The following AP2A2 variants were observed in gnomAD, a reference collection of about 807,000 sequenced individuals.
AP2A2 encodes AP-2 complex subunit alpha-2.
In AP2A2, 32 loss-of-function variants were observed where a neutral mutation model predicts 104.2. The ratio of observed to expected loss-of-function variants is 0.31; its 90% confidence interval spans 0.23 to 0.41. AP2A2 has a LOEUF of 0.41. Among genes scored for constraint, AP2A2 ranks in the 10% least tolerant of loss-of-function variants. AP2A2 has a pLI of 1.00. For missense variants in AP2A2, 912 were observed against 1,261.0 expected, an observed-to-expected ratio of 0.72 and a Z score of 4.19; for synonymous variants, 539 against 533.3, an observed-to-expected ratio of 1.01 and a Z score of -0.15.
At chr11:982,113 C>T (rs1188779982) in intron 6 of AP2A2, among the ~76,000 whole-genome samples, 1 of 152,210 alleles carries the variant, frequency 6.6e-6, no homozygotes, top group Non-Finnish European at 1.5e-5. Flanking sequence ...TGCAGTGGTG[C>T]AGTCTCAGCT....
intron 14 of AP2A2, among the ~76,000 whole-genome samples, chr11:997,054 C>T (rs1051902395): frequency 2.0e-5 from 3 of 152,136 alleles, no homozygotes; most frequent in South Asian, 2.1e-4. Context: ...ACACTCCTGG[C>T]GAAGTTTTCT....
intron 1 of AP2A2, among the ~76,000 whole-genome samples, chr11:932,341 GT>G (rs1156397944): frequency 3.9e-5 from 6 of 152,210 alleles, no homozygotes; most frequent in African/African-American, 9.6e-5. Context: ...TGCAATTCCA[GT>G]TATGGAGTCA....
rs1054696609 is a variant in AP2A2, at chr11:1,010,744, C to T, written c.*119C>T. ...AGTGCCACAGCACAAGGCGCCTCCC[C>T]GCCCCGCCGCCCCACACCTCTCCCC... On this transcript the variant is annotated 3_prime_UTR_variant, in exon 22 of 22. Coordinates refer to ENST00000448903, the MANE Select transcript of AP2A2 (RefSeq NM_012305.4). The T allele has an allele frequency of 2.1e-5, 17 of 804,788 alleles. No individual in the cohort carries two copies. Among genetic ancestry groups the T allele is most frequent in the East Asian group, 5.3e-5 (2 of 37,636 alleles). 49.9% of individuals were successfully genotyped at this position (804,788 alleles called of 1,614,324 possible).
intron 1 of AP2A2, among the ~76,000 whole-genome samples, chr11:934,214 G>C (rs1853381250): frequency 6.6e-6 from 1 of 152,130 alleles, no homozygotes; most frequent in South Asian, 2.1e-4. Flanking sequence ...GCGTTCTTAG[G>C]AATAACACTT....
intron 2 of AP2A2, among the ~76,000 whole-genome samples, chr11:969,172 C>G (rs1014673837): frequency 5.3e-4 from 80 of 151,394 alleles, no homozygotes; most frequent in Non-Finnish European, 9.9e-4. Context: ...GAGGGACACT[C>G]CCTCACCTCT....
At chr11:974,982 T>TCAAAAA (rs1043829474) in intron 4 of AP2A2, among the ~76,000 whole-genome samples, 12 of 152,078 alleles carry the variant, frequency 7.9e-5, no homozygotes, top group Admixed American at 2.0e-4. Flanking sequence ...AGACTCTGTC[T>TCAAAAA]CAAAAACAAA....
At chr11:983,522 A>C (rs1855329431) in intron 6 of AP2A2, among the ~76,000 whole-genome samples, 2 of 151,958 alleles carry the variant, frequency 1.3e-5, no homozygotes, top group Non-Finnish European at 2.9e-5. Context: ...AGCTGGGACT[A>C]CAGGCGCCCG....
At chr11:941,933 C>T (rs10751666) in intron 1 of AP2A2, among the ~76,000 whole-genome samples, 76,598 of 149,930 alleles carry the variant, frequency 0.51, 19,976 homozygotes, top group Middle Eastern at 0.67. Context: ...TATTTTTTAT[C>T]TATTTATATT....
chr11:954,909 C>T (rs1389568974), intron 1 of AP2A2, among the ~76,000 whole-genome samples: 1 of 152,170 alleles, frequency 6.6e-6, no homozygotes, highest in African/African-American at 2.4e-5. Flanking sequence ...TTTGTGGTTT[C>T]ACAACCTTAT....
chr11:982,622 A>G (rs577317805), intron 6 of AP2A2, among the ~76,000 whole-genome samples: 3 of 149,916 alleles, frequency 2.0e-5, no homozygotes, highest in African/African-American at 4.9e-5. Flanking sequence ...TGGTAAAAAC[A>G]TTTGAACTTG....
intron 1 of AP2A2, among the ~76,000 whole-genome samples, chr11:945,595 A>G (rs1853805817): frequency 6.6e-6 from 1 of 152,100 alleles, no homozygotes; most frequent in Non-Finnish European, 1.5e-5. Context: ...GGCCTCTCAA[A>G]GTGCTGGGAT....
intron 14 of AP2A2, among the ~76,000 whole-genome samples, chr11:998,084 CCA>C (rs1370497073): frequency 2.6e-5 from 4 of 152,250 alleles, no homozygotes; most frequent in Admixed American, 2.0e-4. Flanking sequence ...GCTGTGGAGG[CCA>C]CAGTGTTGGC....
intron 14 of AP2A2, among the ~76,000 whole-genome samples, chr11:996,518 C>T (rs1308978570): frequency 1.3e-5 from 2 of 152,174 alleles, no homozygotes; most frequent in Non-Finnish European, 2.9e-5. Context: ...GCCCATACCC[C>T]AGGCCTTTGA....
chr11:950,120 G>C (rs753103829), intron 1 of AP2A2, among the ~76,000 whole-genome samples: 3 of 152,068 alleles, frequency 2.0e-5, no homozygotes, highest in Non-Finnish European at 4.4e-5. Context: ...ATTCAATGGT[G>C]GGGGAAAAGA....
At chr11:1,009,458 T>C in intron 20 of AP2A2, 61 bp downstream of exon 20, 13 of 1,511,560 alleles carry the variant, frequency 8.6e-6, no homozygotes, top group Non-Finnish European at 1.2e-5. Flanking sequence ...CGCCAGGGTC[T>C]GGAGGGACGG....
Position 926,044 on chromosome 11 carries a change from A to G in AP2A2, c.23A>G (p.Asp8Gly), listed in dbSNP as rs1474919779. The change falls in exon 1 of 22, where the codon GAC (aspartate) becomes GGC (glycine). Residue 8 changes from aspartate (D) to glycine (G), a missense_variant. Coordinates refer to ENST00000448903, the MANE Select transcript of AP2A2 (RefSeq NM_012305.4). ...AAGATGCCGGCCGTGTCCAAGGGGG[A>G]CGGGATGCGGGGCCTGGCGGTCTTC... Reference protein sequence around the residue: MPAVSKGDGMRGLAVFIS... With the variant: MPAVSKGGGMRGLAVFIS... The G allele has an allele frequency of 5.0e-6, 7 of 1,387,440 alleles. No individual in the cohort carries two copies. Among genetic ancestry groups the G allele is most frequent in the Admixed American group, 2.8e-5 (1 of 35,908 alleles). 85.9% of individuals were successfully genotyped at this position (1,387,440 alleles called of 1,614,324 possible).
At chr11:1,003,287 G>A (rs1157333367) in intron 15 of AP2A2, among the ~76,000 whole-genome samples, 4 of 152,220 alleles carry the variant, frequency 2.6e-5, no homozygotes. Context: ...ATGGCTGGGT[G>A]CCCGTGCATG....
intron 10 of AP2A2, among the ~76,000 whole-genome samples, chr11:989,340 A>T (rs1225548775): frequency 6.6e-6 from 1 of 152,010 alleles, no homozygotes; most frequent in South Asian, 2.1e-4. Context: ...TCTCAAAAAA[A>T]AAAAAACTAA....
chr11:926,375 C>T (rs1853121982), intron 1 of AP2A2, among the ~76,000 whole-genome samples: 1 of 53,624 alleles, frequency 1.9e-5, no homozygotes. Flanking sequence ...GGCCCTGGGT[C>T]TGGGGGTGCG....
Sources: allele counts gnomAD v4.1 joint callset (sites outside exome capture counted in the v4.1 genomes callset), GRCh38; gene constraint gnomAD v4.1.1; transcripts MANE v1.5; gene names NCBI Gene and HGNC (gene_info 2026-07-23, HGNC 2026-07-21).